The following KSR2 variants were observed in gnomAD, a reference collection of about 807,000 sequenced individuals.
The protein encoded by KSR2 is kinase suppressor of ras 2.
A neutral mutation model predicts 107.8 loss-of-function variants in KSR2; 25 were observed. The ratio of observed to expected loss-of-function variants is 0.23; its 90% confidence interval spans 0.17 to 0.32. KSR2 has a LOEUF of 0.32. Ranked by LOEUF, KSR2 falls within the 10% of genes least tolerant of loss-of-function variation. The pLI, the probability that KSR2 is intolerant of heterozygous loss-of-function variation, is 1.00. For missense variants in KSR2, 887 were observed against 1,268.9 expected, an observed-to-expected ratio of 0.70 and a Z score of 4.57; for synonymous variants, 480 against 507.0, an observed-to-expected ratio of 0.95 and a Z score of 0.71.
chr12:117,642,597 AGACTCC>A (rs1336154836), intron 5 of KSR2, among the ~76,000 whole-genome samples: 2 of 152,238 alleles, frequency 1.3e-5, no homozygotes, highest in Non-Finnish European at 2.9e-5. Context: ...GAGAAGACTC[AGACTCC>A]ACCTTCCCCA....
At chr12:117,855,706 C>T (rs1340416677) in intron 2 of KSR2, 128 bp from the exon 3 acceptor site, 20 of 909,364 alleles carry the variant, frequency 2.2e-5, no homozygotes, top group South Asian at 8.1e-5. Flanking sequence ...GTGGGGTCTC[C>T]GAATCTCGGG....
chr12:117,783,848 G>T (rs1290120375), intron 3 of KSR2, among the ~76,000 whole-genome samples: 1 of 152,114 alleles, frequency 6.6e-6, no homozygotes, highest in Non-Finnish European at 1.5e-5. Context: ...TTTTATGTGT[G>T]TGTGTCTTTT....
chr12:117,915,684 G>A (rs766321604), intron 1 of KSR2, among the ~76,000 whole-genome samples: 7 of 152,020 alleles, frequency 4.6e-5, no homozygotes, highest in Admixed American at 1.3e-4. Flanking sequence ...TAAAAACTTC[G>A]GCTCGAGATA....
intron 3 of KSR2, among the ~76,000 whole-genome samples, chr12:117,827,637 G>A (rs1891808750): frequency 6.6e-6 from 1 of 152,202 alleles, no homozygotes; most frequent in South Asian, 2.1e-4. Context: ...GTTGGCTGCT[G>A]CTATTGATAT....
intron 14 of KSR2, among the ~76,000 whole-genome samples, chr12:117,515,731 G>C (rs1347269423): frequency 6.6e-6 from 1 of 152,174 alleles, no homozygotes; most frequent in African/African-American, 2.4e-5. Context: ...TTCAAGACAA[G>C]GCTGGCCAAC....
At chr12:117,514,544 CTT>C (rs55927845) in intron 14 of KSR2, among the ~76,000 whole-genome samples, 44 of 130,018 alleles carry the variant, frequency 3.4e-4, no homozygotes, top group African/African-American at 7.1e-4. Context: ...CTCTCTCTCT[CTT>C]TTTTTTTTTT....
chr12:117,838,156 A>T (rs1374106677), intron 3 of KSR2, among the ~76,000 whole-genome samples: 1 of 152,198 alleles, frequency 6.6e-6, no homozygotes, highest in Non-Finnish European at 1.5e-5. Context: ...AGCACAATGG[A>T]CCATGCATAA....
intron 9 of KSR2, among the ~76,000 whole-genome samples, chr12:117,549,146 A>T (rs2137314104): frequency 6.6e-6 from 1 of 152,366 alleles, no homozygotes; most frequent in Middle Eastern, 3.4e-3. Context: ...ATCTTAATTT[A>T]TCTAATGGTA....
chr12:117,927,419 A>G (rs1204005630), intron 1 of KSR2, among the ~76,000 whole-genome samples: 1 of 142,092 alleles, frequency 7.0e-6, no homozygotes, highest in Non-Finnish European at 1.5e-5. Flanking sequence ...TTGGCTGGGC[A>G]TGGTGGTTAT....
At chr12:117,941,122 G>A (rs1895992745) in intron 1 of KSR2, among the ~76,000 whole-genome samples, 1 of 151,866 alleles carries the variant, frequency 6.6e-6, no homozygotes, top group South Asian at 2.1e-4. Flanking sequence ...TTATTTCTGG[G>A]GTTATATTGA....
chr12:117,702,777 A>T (rs1055212338), intron 4 of KSR2, among the ~76,000 whole-genome samples: 2 of 152,188 alleles, frequency 1.3e-5, no homozygotes, highest in African/African-American at 4.8e-5. Flanking sequence ...ACAGAAATTC[A>T]GTGAAATGGC....
chr12:117,684,235 G>C (rs1885480528), intron 4 of KSR2, among the ~76,000 whole-genome samples: 1 of 152,112 alleles, frequency 6.6e-6, no homozygotes, highest in Admixed American at 6.5e-5. Context: ...CCACAGTTTT[G>C]AGGTACACAC....
intron 1 of KSR2, among the ~76,000 whole-genome samples, chr12:117,884,305 A>G (rs947805839): frequency 6.6e-6 from 1 of 152,190 alleles, no homozygotes; most frequent in Non-Finnish European, 1.5e-5. Flanking sequence ...GAAGAGAGAA[A>G]AAGGGACATG....
chr12:117,729,780 A>G (rs995807692), intron 4 of KSR2, among the ~76,000 whole-genome samples: 1 of 152,212 alleles, frequency 6.6e-6, no homozygotes, highest in African/African-American at 2.4e-5. Flanking sequence ...CTGAGAAATG[A>G]AAGAGATGAA....
At chr12:117,674,646 T>C (rs1885050218) in intron 4 of KSR2, among the ~76,000 whole-genome samples, 1 of 152,228 alleles carries the variant, frequency 6.6e-6, no homozygotes, top group African/African-American at 2.4e-5. Flanking sequence ...GTACAATGTT[T>C]TTGAGGGTCA....
At chr12:117,850,805 T>A (rs56273373) in intron 3 of KSR2, among the ~76,000 whole-genome samples, 1 of 94,900 alleles carries the variant, frequency 1.1e-5, no homozygotes, top group African/African-American at 4.5e-5. Context: ...CAAGACCCCA[T>A]CTCAAAAAAA....
rs996378751 is a variant in KSR2, at chr12:117,543,967, C to T, written c.1519-4080G>A. Among the ~76,000 whole-genome samples, 3 of 152,164 alleles carry T rather than the reference C, an allele frequency of 2.0e-5. No individual in the cohort carries two copies. In the South Asian group the frequency reaches 6.2e-4, roughly 32 times the overall value. On this transcript the variant is annotated intron_variant, in intron 9 of 19. Coordinates refer to ENST00000339824, the MANE Select transcript of KSR2 (RefSeq NM_173598.6). ...GCTCTCCCTGTGTGTCTCTGTTTCT[C>T]TTCTCCTCTTCTGATAAGGCCGAAA...
At chr12:117,686,965 G>T (rs1885597448) in intron 4 of KSR2, among the ~76,000 whole-genome samples, 1 of 152,184 alleles carries the variant, frequency 6.6e-6, no homozygotes, top group Admixed American at 6.5e-5. Context: ...AAGATGCTGG[G>T]GCTGGCGGGC....
In KSR2 at chr12:117,705,492, G is replaced by A. The variant is rs1447340382; in HGVS notation, c.987-37834C>T. On this transcript the variant is annotated intron_variant, in intron 4 of 19. Coordinates refer to ENST00000339824, the MANE Select transcript of KSR2 (RefSeq NM_173598.6). Reference sequence around the variant, plus strand: ...GCAGGTGCACTGATTGGGCCCCCAAGGGACACCTAGCAGAGGTCTCTAACC... The same window carrying A: ...GCAGGTGCACTGATTGGGCCCCCAAAGGACACCTAGCAGAGGTCTCTAACC... Among the ~76,000 whole-genome samples, 6 of 152,234 alleles carry A rather than the reference G, an allele frequency of 3.9e-5. No individual in the cohort carries two copies. The South Asian group carries it at 6.2e-4, about 16-fold the overall frequency.
Sources: allele counts gnomAD v4.1 joint callset (sites outside exome capture counted in the v4.1 genomes callset), GRCh38; gene constraint gnomAD v4.1.1; transcripts MANE v1.5; gene names NCBI Gene and HGNC (gene_info 2026-07-23, HGNC 2026-07-21).